The following ZNF365 variants were observed in gnomAD, a reference collection of about 807,000 sequenced individuals.
The protein encoded by ZNF365 is zinc finger protein 365, also known as protein ZNF365.
Under a neutral mutation model 35.0 loss-of-function variants are expected in ZNF365, and 22 were observed. The ratio of observed to expected loss-of-function variants is 0.63; its 90% CI spans 0.45 to 0.90. The LOEUF is 0.90. Ranked by LOEUF, ZNF365 falls within the 40% of genes least tolerant of loss-of-function variation. The probability of loss-of-function intolerance (pLI) is 0.00; values close to 1 mark genes in which losing one functional copy is unlikely to be tolerated. For synonymous variants in ZNF365, 188 were observed against 196.2 expected, an observed-to-expected ratio of 0.96 and a Z score of 0.35; for missense variants, 448 against 500.3, an observed-to-expected ratio of 0.90 and a Z score of 1.00.
intron 3 of ZNF365, among the ~76,000 whole-genome samples, chr10:62,421,193 A>G (rs1158054309): frequency 1.3e-5 from 2 of 152,040 alleles, no homozygotes; most frequent in African/African-American, 4.8e-5. Flanking sequence ...GTCATCACCA[A>G]TTTTCTGAAC....
At chr10:62,433,692 G>A (rs1301424013) in intron 3 of ZNF365, among the ~76,000 whole-genome samples, 1 of 152,172 alleles carries the variant, frequency 6.6e-6, no homozygotes, top group Non-Finnish European at 1.5e-5. Context: ...CATCGGTAGA[G>A]CTTGCCTTTA....
At chr10:62,419,985 A>C (rs911495758) in intron 3 of ZNF365, among the ~76,000 whole-genome samples, 1 of 152,054 alleles carries the variant, frequency 6.6e-6, no homozygotes, top group Admixed American at 6.6e-5. Flanking sequence ...AAAATATATA[A>C]ATTTAGAGAG....
intron 4 of ZNF365, among the ~76,000 whole-genome samples, chr10:62,399,222 C>T (rs921639626): frequency 6.6e-6 from 1 of 152,172 alleles, no homozygotes; most frequent in African/African-American, 2.4e-5. Flanking sequence ...CTGGTCCCAT[C>T]TTCTCCATAG....
chr10:62,459,781 A>C, exon 4 of ZNF365: 1 of 1,606,878 alleles, frequency 6.2e-7, no homozygotes, highest in Non-Finnish European at 8.5e-7. Flanking sequence ...GTGTGCCAAA[A>C]TGACCTGGAA....
intron 3 of ZNF365, among the ~76,000 whole-genome samples, chr10:62,440,930 T>C (rs984806244): frequency 3.9e-5 from 6 of 152,216 alleles, no homozygotes; most frequent in Admixed American, 3.3e-4. Flanking sequence ...CTAATGTCTT[T>C]ATGTGATGAG....
chr10:62,402,878 T>C (rs79239255), downstream of ZNF365, among the ~76,000 whole-genome samples: 6,083 of 152,264 alleles, frequency 0.04, 440 homozygotes, highest in African/African-American at 0.14. Context: ...GAAGTATGTG[T>C]CTGGTGGAAT....
chr10:62,453,174 T>A (rs1330041796), intron 3 of ZNF365, among the ~76,000 whole-genome samples: 2 of 152,358 alleles, frequency 1.3e-5, no homozygotes, highest in East Asian at 1.9e-4. Flanking sequence ...AAATTTAATT[T>A]TATTACATCC....
intron 3 of ZNF365, among the ~76,000 whole-genome samples, chr10:62,434,828 C>A (rs774604986): frequency 2.6e-5 from 4 of 152,226 alleles, no homozygotes; most frequent in Non-Finnish European, 5.9e-5. Context: ...TAACCTCATT[C>A]AGAAGAGTGA....
At chr10:62,379,313 G>A (rs934427238) in intron 2 of ZNF365, among the ~76,000 whole-genome samples, 4 of 151,910 alleles carry the variant, frequency 2.6e-5, no homozygotes, top group East Asian at 3.8e-4. Context: ...TGTAAGCCAC[G>A]GTACCCAGCC....
intron 2 of ZNF365, among the ~76,000 whole-genome samples, chr10:62,379,000 T>G (rs1255266431): frequency 2.0e-5 from 3 of 151,826 alleles, no homozygotes; most frequent in Non-Finnish European, 2.9e-5. Context: ...TTTGTGAGTA[T>G]GCCTGAGGAT....
chr10:62,403,297 G>C (rs1839858547), downstream of ZNF365, among the ~76,000 whole-genome samples: 1 of 152,168 alleles, frequency 6.6e-6, no homozygotes, highest in Non-Finnish European at 1.5e-5. Flanking sequence ...TTCACGTTGG[G>C]TGGGCTGAGG....
intron 3 of ZNF365, among the ~76,000 whole-genome samples, chr10:62,450,994 T>A (rs1342238121): frequency 6.8e-6 from 1 of 146,340 alleles, no homozygotes; most frequent in African/African-American, 2.8e-5. Flanking sequence ...GATTTGCTTG[T>A]TGTTTTTTTA....
intron 3 of ZNF365, among the ~76,000 whole-genome samples, chr10:62,396,639 A>G (rs1442549505): frequency 2.6e-5 from 4 of 152,310 alleles, no homozygotes; most frequent in Non-Finnish European, 4.4e-5. Context: ...AGTGACATTC[A>G]TAGTCACTAA....
intron 3 of ZNF365, among the ~76,000 whole-genome samples, chr10:62,439,572 T>C (rs1178053456): frequency 6.6e-6 from 1 of 152,194 alleles, no homozygotes; most frequent in Non-Finnish European, 1.5e-5. Context: ...AGCCCTCTAA[T>C]AGCTGTGGCT....
chr10:62,443,580 C>G (rs750170960), intron 3 of ZNF365, among the ~76,000 whole-genome samples: 4 of 152,204 alleles, frequency 2.6e-5, no homozygotes, highest in Non-Finnish European at 5.9e-5. Flanking sequence ...AAAACATTAA[C>G]TTCAACCTGG....
intron 3 of ZNF365, among the ~76,000 whole-genome samples, chr10:62,413,081 C>T (rs771534909): frequency 5.9e-5 from 9 of 152,108 alleles, no homozygotes; most frequent in Non-Finnish European, 1.3e-4. Context: ...GTTCTAAAAC[C>T]CTGATGGGTA....
intron 2 of ZNF365, among the ~76,000 whole-genome samples, chr10:62,381,704 C>T (rs886840303): frequency 3.3e-5 from 5 of 152,178 alleles, no homozygotes; most frequent in African/African-American, 1.2e-4. Context: ...TTCCAGAACA[C>T]CCAGCCCAGG....
At chr10:62,413,416 A>G (rs112387806) in intron 3 of ZNF365, among the ~76,000 whole-genome samples, 11 of 152,292 alleles carry the variant, frequency 7.2e-5, no homozygotes, top group African/African-American at 2.6e-4. Flanking sequence ...TGTTTCTTCT[A>G]AGGGAACATG....
chr10:62,388,098 A>G lies in ZNF365; in HGVS notation c.744-298A>G, dbSNP rs188630549. Among the ~76,000 whole-genome samples the G allele has an allele frequency of 2.6e-3, 401 of 152,298 alleles. 1 individual carries two copies. The highest frequency in any genetic ancestry group is 9.4e-3 in the African/African-American group (392 of 41,556). ...GTCGTTTCTAACTTTGCTTTTTAAA[A>G]TATTATTCACTCCTTTCCTTCCTCT... On this transcript the variant is annotated intron_variant, in intron 2 of 4. Coordinates refer to ENST00000395254, the MANE Select transcript of ZNF365 (RefSeq NM_014951.3).
Sources: gnomAD v4.1 joint callset for allele counts (sites outside exome capture counted in the v4.1 genomes callset) on GRCh38, gnomAD v4.1.1 for gene constraint, MANE v1.5 for transcripts, NCBI Gene and HGNC (gene_info 2026-07-23, HGNC 2026-07-21) for gene names.